The following SYN3 variants were observed in gnomAD, a reference collection of about 807,000 sequenced individuals.
The protein encoded by SYN3 is synapsin-3.
SYN3 carries 35 observed loss-of-function variants against 65.8 expected under a neutral mutation model. That is an observed-to-expected ratio of 0.53 (90% CI 0.41 to 0.70). The LOEUF (loss-of-function observed/expected upper bound fraction) is 0.70, where lower values mean the gene tolerates loss of function less well. Ranked by LOEUF, SYN3 falls within the 30% of genes least tolerant of loss-of-function variation. SYN3 has a pLI of 0.00. For missense variants in SYN3, 680 were observed against 749.0 expected (o/e 0.91, Z 1.08); for synonymous variants, 270 against 292.9 (o/e 0.92, Z 0.80).
intron 6 of SYN3, among the ~76,000 whole-genome samples, chr22:32,852,383 A>G (rs183561305): frequency 6.6e-6 from 1 of 152,296 alleles, no homozygotes; most frequent in Non-Finnish European, 1.5e-5. Flanking sequence ...TTGGTTTATC[A>G]TCCAGCAGTG....
At chr22:32,763,193 C>A in intron 6 of SYN3, among the ~76,000 whole-genome samples, 1 of 151,738 alleles carries the variant, frequency 6.6e-6, no homozygotes, top group South Asian at 2.1e-4. Context: ...GTCGCCCAGG[C>A]TGGAGTGCAG....
intron 6 of SYN3, among the ~76,000 whole-genome samples, chr22:32,780,947 T>TTCCTTCCTTCCTTCCTTCCTTCCG (rs1569219150): frequency 8.2e-4 from 58 of 71,072 alleles, no homozygotes; most frequent in African/African-American, 2.9e-3. Context: ...CCTTCCTTCC[T>TTCCTTCCTTCCTTCCTTCCTTCCG]TCCTTCCTTC....
intron 7 of SYN3, among the ~76,000 whole-genome samples, chr22:32,579,746 G>C (rs2058909038): frequency 6.6e-6 from 1 of 152,174 alleles, no homozygotes; most frequent in Admixed American, 6.5e-5. Context: ...AGAAGGGGTG[G>C]TGGGAAGGTG....
In SYN3 at chr22:32,687,641, C is replaced by T. The variant is rs867529761; in HGVS notation, c.712-90905G>A. ...GTTGGTTTCCAAAGAGTAGATAAGA[C>T]CCTGCTCCACTCCCGCCTCCCTCTT... On this transcript the variant is annotated intron_variant, in intron 6 of 13. Coordinates refer to ENST00000358763, the MANE Select transcript of SYN3 (RefSeq NM_003490.4). Among the ~76,000 whole-genome samples the T allele has an allele frequency of 1.5e-3, 225 of 152,240 alleles. 1 individual carries two copies. Among genetic ancestry groups the T allele is most frequent in the African/African-American group, 5.1e-3 (212 of 41,536 alleles).
intron 7 of SYN3, among the ~76,000 whole-genome samples, chr22:32,566,162 G>A (rs1349665331): frequency 6.6e-6 from 1 of 151,960 alleles, no homozygotes; most frequent in Non-Finnish European, 1.5e-5. Context: ...TGTTTAACCC[G>A]ATATAAAAAA....
intron 3 of SYN3, among the ~76,000 whole-genome samples, chr22:32,964,983 C>G (rs2051782187): frequency 6.6e-6 from 1 of 152,142 alleles, no homozygotes; most frequent in African/African-American, 2.4e-5. Context: ...CTCGATCAGT[C>G]CCCATTCAAC....
chr22:32,762,328 T>C (rs1233036753), intron 6 of SYN3, among the ~76,000 whole-genome samples: 2 of 151,766 alleles, frequency 1.3e-5, no homozygotes, highest in Admixed American at 6.6e-5. Flanking sequence ...CTCAGGGTTA[T>C]AGCGGTGGGC....
intron 2 of SYN3, among the ~76,000 whole-genome samples, chr22:32,999,205 C>G (rs1386377820): frequency 6.6e-6 from 1 of 152,182 alleles, no homozygotes. Context: ...GATATTAACA[C>G]TGCAGGGTGG....
chr22:32,844,689 C>G (rs1201023663), intron 6 of SYN3, among the ~76,000 whole-genome samples: 1 of 151,728 alleles, frequency 6.6e-6, no homozygotes. Flanking sequence ...CTTAATCAAT[C>G]TCTTCCTTGT....
chr22:32,592,741 T>G (rs1214237941), intron 7 of SYN3, among the ~76,000 whole-genome samples: 9 of 152,180 alleles, frequency 5.9e-5, no homozygotes, highest in Non-Finnish European at 5.9e-5. Flanking sequence ...AATTAAGTTC[T>G]TTTCTCTAAG....
intron 6 of SYN3, among the ~76,000 whole-genome samples, chr22:32,824,261 G>A (rs1405224951): frequency 4.6e-5 from 6 of 130,244 alleles, no homozygotes; most frequent in African/African-American, 1.8e-4. Flanking sequence ...CTGGGCGACA[G>A]AGCAAGACTC....
At chr22:32,744,859 A>T (rs1291771397) in intron 6 of SYN3, among the ~76,000 whole-genome samples, 1 of 152,212 alleles carries the variant, frequency 6.6e-6, no homozygotes, top group African/African-American at 2.4e-5. Context: ...CAGAAAAGAC[A>T]CACAGAGACC....
At chr22:32,811,428 C>A (rs1261740681) in intron 6 of SYN3, among the ~76,000 whole-genome samples, 2 of 152,108 alleles carry the variant, frequency 1.3e-5, no homozygotes, top group Non-Finnish European at 2.9e-5. Context: ...ACTTCACTTT[C>A]GGTGAGGAAA....
intron 6 of SYN3, among the ~76,000 whole-genome samples, chr22:32,637,630 CTTTTT>C (rs1185407986): frequency 1.1e-5 from 1 of 93,562 alleles, no homozygotes; most frequent in Admixed American, 1.4e-4. Flanking sequence ...TTTTCTTTTT[CTTTTT>C]TTTTTTTTTT....
chr22:33,022,542 C>T (rs2053577490), intron 1 of SYN3, among the ~76,000 whole-genome samples: 2 of 152,230 alleles, frequency 1.3e-5, no homozygotes, highest in South Asian at 2.1e-4. Context: ...TCCACCCACA[C>T]AGGCCTTGAT....
At chr22:32,556,084 G>A (rs2058491383) in intron 7 of SYN3, among the ~76,000 whole-genome samples, 1 of 152,146 alleles carries the variant, frequency 6.6e-6, no homozygotes, top group Non-Finnish European at 1.5e-5. Flanking sequence ...CTTGGTTTAT[G>A]GTGCCCATCT....
intron 4 of SYN3, among the ~76,000 whole-genome samples, chr22:32,918,647 AG>A (rs1601693969): frequency 6.6e-6 from 1 of 152,250 alleles, no homozygotes; most frequent in Non-Finnish European, 1.5e-5. Context: ...ACGGTCTGGC[AG>A]GGTCTCCCTG....
chr22:32,878,802 TAATGG>T (rs1006082825), intron 4 of SYN3, among the ~76,000 whole-genome samples: 1 of 152,072 alleles, frequency 6.6e-6, no homozygotes, highest in Non-Finnish European at 1.5e-5. Flanking sequence ...AAAGGGCAGC[TAATGG>T]AAGCCTCTGT....
intron 3 of SYN3, among the ~76,000 whole-genome samples, chr22:32,942,774 T>C (rs1176202364): frequency 1.3e-5 from 2 of 152,160 alleles, no homozygotes; most frequent in Non-Finnish European, 2.9e-5. Flanking sequence ...CTGAAAACCA[T>C]GGCACGAGAA....
Sources: allele counts gnomAD v4.1 joint callset (sites outside exome capture counted in the v4.1 genomes callset), GRCh38; gene constraint gnomAD v4.1.1; transcripts MANE v1.5; gene names NCBI Gene and HGNC (gene_info 2026-07-23, HGNC 2026-07-21).